Variants in OTUD7A observed in about 807,000 individuals in gnomAD.
OTUD7A encodes the protein OTU deubiquitinase 7A.
OTUD7A carries 12 observed loss-of-function variants against 65.7 expected under a neutral mutation model. That is an observed-to-expected ratio of 0.18 (90% CI 0.12 to 0.30). The LOEUF (loss-of-function observed/expected upper bound fraction) is 0.30. OTUD7A is among the 10% of genes least tolerant of loss of function. The pLI is 1.00. For synonymous variants in OTUD7A, 641 were observed against 586.3 expected, an observed-to-expected ratio of 1.09 and a Z score of -1.35; for missense variants, 1,148 against 1,304.8, an observed-to-expected ratio of 0.88 and a Z score of 1.85.
chr15:31,821,562 T>C (rs1896683833), intron 1 of OTUD7A, among the ~76,000 whole-genome samples: 1 of 152,192 alleles, frequency 6.6e-6, no homozygotes, highest in African/African-American at 2.4e-5. Context: ...TAGTTTTGGT[T>C]ATTATAAATA....
intron 1 of OTUD7A, among the ~76,000 whole-genome samples, chr15:31,729,278 GAAAT>G (rs112717269): frequency 2.6e-5 from 4 of 152,242 alleles, no homozygotes; most frequent in African/African-American, 9.6e-5. Context: ...GTTTATTGAA[GAAAT>G]AAATAACTAA....
intron 1 of OTUD7A, among the ~76,000 whole-genome samples, chr15:31,758,837 C>CA (rs200526564): frequency 0.014 from 2,140 of 151,836 alleles, 58 homozygotes; most frequent in African/African-American, 0.05. Context: ...ATTTACCATA[C>CA]AAAAAAAACT....
At chr15:31,749,645 C>A (rs779472556) in intron 1 of OTUD7A, among the ~76,000 whole-genome samples, 1 of 152,060 alleles carries the variant, frequency 6.6e-6, no homozygotes, top group African/African-American at 2.4e-5. Flanking sequence ...AAAACTAGAA[C>A]AACATGAGGA....
chr15:31,656,639 CT>C (rs398118697), intron 2 of OTUD7A, among the ~76,000 whole-genome samples: 7 of 99,872 alleles, frequency 7.0e-5, no homozygotes, highest in Non-Finnish European at 1.4e-4. Context: ...GATGACTGTC[CT>C]CTGTTCTTTC....
At chr15:31,761,151 A>C (rs886729839) in intron 1 of OTUD7A, among the ~76,000 whole-genome samples, 2 of 152,198 alleles carry the variant, frequency 1.3e-5, no homozygotes, top group Non-Finnish European at 2.9e-5. Flanking sequence ...CAATAACAAA[A>C]GTACAATCAA....
At chr15:31,556,501 T>C (rs1176185149) in intron 5 of OTUD7A, 1 of 152,228 alleles carries the variant, frequency 6.6e-6, no homozygotes, top group African/African-American at 2.4e-5. Flanking sequence ...CTTAAAATGC[T>C]AGTCTGGAAG....
intron 3 of OTUD7A, among the ~76,000 whole-genome samples, chr15:31,640,155 T>G (rs1320364614): frequency 6.6e-6 from 1 of 152,208 alleles, no homozygotes; most frequent in Non-Finnish European, 1.5e-5. Flanking sequence ...GAGACTATTA[T>G]TCTAAGTGAA....
rs1028036046 is a variant in OTUD7A at position 31,479,484 on chromosome 15, T to C, written c.*3810A>G. 4.6e-5 allele frequency: 7 copies of C among 152,192 alleles called. No homozygotes were observed. The highest frequency in any genetic ancestry group is 1.7e-4 in the African/African-American group (7 of 41,436). 9.4% of individuals were successfully genotyped at this position (152,192 alleles called of 1,614,324 possible). On this transcript the variant is annotated 3_prime_UTR_variant, in exon 13 of 13. Transcript: ENST00000307050. ...CTTTTACTCCAGGTCTCTTCGTAAA[T>C]AAAAGACTCACATGGAATGGAACTT... is the stretch of plus-strand genomic sequence containing the variant.
intron 1 of OTUD7A, among the ~76,000 whole-genome samples, chr15:31,682,850 A>G (rs1322335706): frequency 6.6e-6 from 1 of 152,068 alleles, no homozygotes; most frequent in East Asian, 1.9e-4. Flanking sequence ...GTTTATGTTG[A>G]GTGTGTGTGA....
At chr15:31,526,288 T>G in intron 8 of OTUD7A, 61 bp downstream of exon 8, 1 of 1,451,348 alleles carries the variant, frequency 6.9e-7, no homozygotes, top group Non-Finnish European at 9.2e-7. Flanking sequence ...CCATGCTGTG[T>G]GTAGCCCTGG....
chr15:31,619,291 GT>G, intron 3 of OTUD7A, among the ~76,000 whole-genome samples: 1 of 152,268 alleles, frequency 6.6e-6, no homozygotes, highest in South Asian at 2.1e-4. Flanking sequence ...CTTTAAAGTA[GT>G]TTTTTCCAAT....
intron 3 of OTUD7A, among the ~76,000 whole-genome samples, chr15:31,632,519 GT>G (rs1451254258): frequency 1.3e-5 from 2 of 152,242 alleles, no homozygotes; most frequent in African/African-American, 4.8e-5. Flanking sequence ...CGTGTGAGGT[GT>G]CAGTCTGCCC....
intron 1 of OTUD7A, among the ~76,000 whole-genome samples, chr15:31,768,948 A>G (rs555574479): frequency 2.0e-5 from 3 of 152,360 alleles, no homozygotes; most frequent in South Asian, 4.1e-4. Context: ...GAAAGGGGAA[A>G]CAGGTACAAA....
intron 9 of OTUD7A, 34 bp downstream of exon 9, chr15:31,503,657 T>A (rs1293676285): frequency 6.2e-7 from 1 of 1,613,798 alleles, no homozygotes; most frequent in Non-Finnish European, 8.5e-7. Context: ...GCTTTCTGTG[T>A]CATGAATACA....
At chr15:31,599,005 G>A (rs1220999653) in intron 3 of OTUD7A, among the ~76,000 whole-genome samples, 1 of 152,232 alleles carries the variant, frequency 6.6e-6, no homozygotes, top group African/African-American at 2.4e-5. Flanking sequence ...AGCAGCCCCA[G>A]TCAGGGACTT....
intron 1 of OTUD7A, among the ~76,000 whole-genome samples, chr15:31,704,379 C>T (rs1484633774): frequency 4.0e-5 from 4 of 99,590 alleles, no homozygotes; most frequent in African/African-American, 1.2e-4. Flanking sequence ...GCACTACTGT[C>T]ACTGAACATT....
intron 1 of OTUD7A, among the ~76,000 whole-genome samples, chr15:31,713,099 AG>A (rs1430315675): frequency 2.0e-5 from 3 of 152,208 alleles, no homozygotes; most frequent in African/African-American, 7.2e-5. Flanking sequence ...GGAGTATTTG[AG>A]AGAGTATTTA....
chr15:31,598,733 G>A (rs180963329), intron 3 of OTUD7A, among the ~76,000 whole-genome samples: 2 of 152,304 alleles, frequency 1.3e-5, no homozygotes, highest in East Asian at 1.9e-4. Context: ...CCCCCATGGA[G>A]CCCAGCAAAC....
At chr15:31,834,363 CCAGT>C (rs1270275053) in intron 1 of OTUD7A, among the ~76,000 whole-genome samples, 2 of 152,194 alleles carry the variant, frequency 1.3e-5, no homozygotes, top group African/African-American at 2.4e-5. Context: ...AGCTCTTTCC[CCAGT>C]CAGTCTTCGT....
Sources: allele counts gnomAD v4.1 joint callset (sites outside exome capture counted in the v4.1 genomes callset), GRCh38; gene constraint gnomAD v4.1.1; transcripts MANE v1.5; gene names NCBI Gene and HGNC (gene_info 2026-07-23, HGNC 2026-07-21).